FRMPD4: variants seen among roughly 807,000 people sequenced by gnomAD.
FRMPD4 encodes the protein FERM and PDZ domain containing 4.
In FRMPD4, 22 loss-of-function variants were observed where a neutral mutation model predicts 94.1. The observed-to-expected ratio is 0.23, with a 90% CI of 0.17 to 0.33. The LOEUF is 0.33. FRMPD4 is among the 10% of genes least tolerant of loss of function. The pLI is 1.00. For missense variants in FRMPD4, 1,111 were observed against 1,339.9 expected, an observed-to-expected ratio of 0.83 and a Z score of 2.67; for synonymous variants, 631 against 548.6, an observed-to-expected ratio of 1.15 and a Z score of -2.10.
At chrX:12,271,073 G>C (rs2054348458) in intron 1 of FRMPD4, among the ~76,000 whole-genome samples, 1 of 111,920 alleles carries the variant, frequency 8.9e-6, no homozygotes, top group African/African-American at 3.2e-5. Flanking sequence ...CGTATGTTTT[G>C]GTTGGAACAC....
chrX:12,443,402 G>T (rs1056779937), intron 1 of FRMPD4, among the ~76,000 whole-genome samples: 1 of 111,942 alleles, frequency 8.9e-6, no homozygotes, highest in Non-Finnish European at 1.9e-5. Flanking sequence ...TAACATATAA[G>T]CAATGTTTTT....
chrX:12,311,048 C>T (rs894045669), intron 1 of FRMPD4, among the ~76,000 whole-genome samples: 1 of 112,297 alleles, frequency 8.9e-6, no homozygotes, highest in African/African-American at 3.2e-5. Context: ...GTGTTTCTTT[C>T]AATGATTCCA....
At chrX:11,946,596 G>A (rs974281828) in intron 3 of FRMPD4, among the ~76,000 whole-genome samples, 4 of 111,236 alleles carry the variant, frequency 3.6e-5, no homozygotes, top group African/African-American at 1.3e-4. Context: ...CTGGGCTAAG[G>A]GCTGCCTAGG....
chrX:11,944,563 T>C (rs1197180306), intron 3 of FRMPD4, among the ~76,000 whole-genome samples: 1 of 111,718 alleles, frequency 9.0e-6, no homozygotes, highest in African/African-American at 3.3e-5. Flanking sequence ...CGTAGGAGAC[T>C]AACTTGCAAA....
chrX:11,997,224 C>T (rs905368223), intron 3 of FRMPD4, among the ~76,000 whole-genome samples: 2 of 110,779 alleles, frequency 1.8e-5, no homozygotes, highest in Non-Finnish European at 3.8e-5. Flanking sequence ...ATGGTTTAGA[C>T]GTAGACTTCA....
intron 1 of FRMPD4, among the ~76,000 whole-genome samples, chrX:12,175,322 G>A (rs965776656): frequency 9.0e-6 from 1 of 111,566 alleles, no homozygotes; most frequent in Non-Finnish European, 1.9e-5. Context: ...TGTGAACAGT[G>A]ATCTCTCTGG....
chrX:12,300,028 G>A lies in FRMPD4; in HGVS notation c.41+161016G>A, dbSNP rs754993382. 5.3e-5 allele frequency among the ~76,000 whole-genome samples: 6 copies of A among 112,180 alleles called. No homozygotes were observed. In the East Asian group the frequency reaches 1.4e-3, roughly 26 times the overall value. On this transcript the variant is annotated intron_variant, in intron 1 of 16. Coordinates refer to ENST00000675598, the MANE Select transcript of FRMPD4 (RefSeq NM_001368397.1). The stretch of plus-strand genomic sequence containing the variant: ...AAATCACGTGAAAACAGACACAAAG[G>A]ACAGAAGTGGGACACAGTGATTCTG...
At chrX:11,838,079 T>A (rs1253999849) in intron 1 of FRMPD4, among the ~76,000 whole-genome samples, 1 of 111,585 alleles carries the variant, frequency 9.0e-6, no homozygotes, top group Non-Finnish European at 1.9e-5. Context: ...CACTTTTTTT[T>A]ACATTTGGCA....
chrX:12,505,841 C>T (rs765208050), intron 2 of FRMPD4, among the ~76,000 whole-genome samples: 1 of 111,293 alleles, frequency 9.0e-6, no homozygotes, highest in South Asian at 3.9e-4. Flanking sequence ...CCTGCCAAGC[C>T]CTTATCCTGT....
rs758692149 is a variant in FRMPD4, at chrX:12,528,982, A to T, written c.158+30186A>T. Reference sequence around the variant, plus strand: ...CATTCTGTTAGTTATCTATTGCTGCATAACAAATTTCTTCAAAACTTAGTG... The same window carrying T: ...CATTCTGTTAGTTATCTATTGCTGCTTAACAAATTTCTTCAAAACTTAGTG... On this transcript the variant is annotated intron_variant, in intron 2 of 16. Coordinates refer to ENST00000675598, the MANE Select transcript of FRMPD4 (RefSeq NM_001368397.1). Among the ~76,000 whole-genome samples the T allele has an allele frequency of 5.5e-3, 616 of 112,667 alleles. 8 individuals carry two copies. The highest frequency in any genetic ancestry group is 9.2e-3 in the Middle Eastern group (2 of 218).
intron 1 of FRMPD4, among the ~76,000 whole-genome samples, chrX:12,297,150 G>A (rs1023497231): frequency 5.3e-5 from 6 of 112,553 alleles, no homozygotes; most frequent in Admixed American, 2.8e-4. Context: ...AAAGGATAGC[G>A]CTACACAAAT....
chrX:12,051,476 A>C (rs1202361430), intron 3 of FRMPD4, among the ~76,000 whole-genome samples: 1 of 111,854 alleles, frequency 8.9e-6, no homozygotes, highest in East Asian at 2.8e-4. Context: ...CAAAGTGTAA[A>C]AAATATAATA....
At chrX:12,359,491 G>A (rs1265937565) in intron 1 of FRMPD4, among the ~76,000 whole-genome samples, 1 of 95,991 alleles carries the variant, frequency 1.0e-5, no homozygotes, top group African/African-American at 3.9e-5. Flanking sequence ...TTTTTGAAAT[G>A]GAGTCTTGCT....
chrX:12,713,234 A>C (rs1476933505), intron 14 of FRMPD4, among the ~76,000 whole-genome samples: 1 of 112,154 alleles, frequency 8.9e-6, no homozygotes, highest in African/African-American at 3.2e-5. Context: ...CATAGACTGT[A>C]AAGATTGTAG....
intron 3 of FRMPD4, among the ~76,000 whole-genome samples, chrX:11,925,892 C>T (rs1288755710): frequency 4.6e-5 from 5 of 108,915 alleles, no homozygotes. Flanking sequence ...GACGACAATC[C>T]GAGCTGAACT....
chrX:12,101,482 G>C (rs751954343), intron 3 of FRMPD4, among the ~76,000 whole-genome samples: 1 of 111,834 alleles, frequency 8.9e-6, no homozygotes, highest in African/African-American at 3.2e-5. Flanking sequence ...TTGCTCTTCA[G>C]AGCATATGAT....
chrX:11,832,566 C>T (rs748984981), intron 1 of FRMPD4, among the ~76,000 whole-genome samples: 2 of 111,729 alleles, frequency 1.8e-5, no homozygotes, highest in Admixed American at 9.5e-5. Flanking sequence ...CAGGGAACCT[C>T]GGGGTTGGAA....
chrX:12,430,849 T>C (rs763329306), intron 1 of FRMPD4, among the ~76,000 whole-genome samples: 138 of 112,690 alleles, frequency 1.2e-3, no homozygotes, highest in African/African-American at 4.3e-3. Flanking sequence ...TGTCTCTAGG[T>C]AAAATGACAT....
At chrX:11,985,682 T>C (rs2054425866) in intron 3 of FRMPD4, among the ~76,000 whole-genome samples, 2 of 111,824 alleles carry the variant, frequency 1.8e-5, no homozygotes, top group African/African-American at 6.5e-5. Context: ...GGGTGAGCCC[T>C]AGGCCTGACA....
Sources: allele counts gnomAD v4.1 joint callset (sites outside exome capture counted in the v4.1 genomes callset), GRCh38; gene constraint gnomAD v4.1.1; transcripts MANE v1.5; gene names NCBI Gene and HGNC (gene_info 2026-07-23, HGNC 2026-07-21).